Variants in SLC9C1 observed in about 807,000 individuals in gnomAD.
The protein encoded by SLC9C1 is solute carrier family 9 member C1.
Under a neutral mutation model 140.9 loss-of-function variants are expected in SLC9C1, and 97 were observed. That is an observed-to-expected ratio of 0.69 (90% CI 0.58 to 0.82). SLC9C1 has a LOEUF of 0.82. Among genes scored for constraint, SLC9C1 ranks in the 40% least tolerant of loss-of-function variants. The pLI, the probability that SLC9C1 is intolerant of heterozygous loss-of-function variation, is 0.00. For missense variants in SLC9C1, 1,340 were observed against 1,389.3 expected (o/e 0.96, Z 0.56); for synonymous variants, 440 against 442.6 (o/e 0.99, Z 0.07).
At chr3:112,274,069 T>C (rs2080148842) in intron 6 of SLC9C1, among the ~76,000 whole-genome samples, 2 of 152,138 alleles carry the variant, frequency 1.3e-5, no homozygotes, top group South Asian at 4.2e-4. Flanking sequence ...CTCAGTAATA[T>C]TATGAAAATG....
intron 8 of SLC9C1, among the ~76,000 whole-genome samples, chr3:112,265,540 AT>A (rs1204537720): frequency 1.4e-4 from 21 of 152,204 alleles, no homozygotes; most frequent in African/African-American, 4.8e-4. Flanking sequence ...TCTAAAAACC[AT>A]GGTTTACTTT....
chr3:112,277,831 CA>C lies in SLC9C1; in HGVS notation c.347del (p.Leu116TrpfsTer6), dbSNP rs750704946. 5.0e-6 allele frequency: 8 copies of C among 1,599,168 alleles called. No individual in the cohort carries two copies. Among genetic ancestry groups the C allele is most frequent in the South Asian group, 1.1e-5 (1 of 87,600 alleles). On this transcript the variant is annotated frameshift_variant, in exon 5 of 29. Coordinates refer to ENST00000305815, the MANE Select transcript of SLC9C1 (RefSeq NM_183061.3). LOFTEE classifies it high-confidence loss of function. ...GCCAAAGAACTAAGATATAATTAAC[CA>C]AAAAGCCGGGAATTGAAATTAAAAG... ...QILLISIPGFLVNYILVLWHL... is the reference protein window; with the variant it reads ...QILLISIPGFXVNYILVLWHL...
chr3:112,228,717 A>G (rs1396839736), intron 13 of SLC9C1, among the ~76,000 whole-genome samples: 4 of 152,114 alleles, frequency 2.6e-5, no homozygotes, highest in Non-Finnish European at 4.4e-5. Flanking sequence ...GTATGATTTA[A>G]AAATGAGCAA....
chr3:112,239,249 C>T (rs564893294), intron 12 of SLC9C1, among the ~76,000 whole-genome samples: 31 of 152,342 alleles, frequency 2.0e-4, no homozygotes, highest in African/African-American at 5.8e-4. Flanking sequence ...TGGGACCCTC[C>T]GAGCCAGGTG....
At chr3:112,272,199 A>G (rs1032515843) in intron 6 of SLC9C1, among the ~76,000 whole-genome samples, 3 of 152,226 alleles carry the variant, frequency 2.0e-5, no homozygotes, top group Non-Finnish European at 4.4e-5. Context: ...CTCTAGTTGC[A>G]GAAACATACA....
At chr3:112,212,102 G>A (rs1576352756) in intron 15 of SLC9C1, among the ~76,000 whole-genome samples, 1 of 152,212 alleles carries the variant, frequency 6.6e-6, no homozygotes, top group Non-Finnish European at 1.5e-5. Flanking sequence ...ACAGGGTCTG[G>A]AGTGGACCTC....
At chr3:112,259,379 C>T (rs1188305757) in intron 10 of SLC9C1, among the ~76,000 whole-genome samples, 1 of 149,110 alleles carries the variant, frequency 6.7e-6, no homozygotes, top group Admixed American at 6.7e-5. Context: ...ATAAAATATT[C>T]TCTACAACAA....
intron 16 of SLC9C1, among the ~76,000 whole-genome samples, chr3:112,207,289 A>G (rs1190547156): frequency 6.6e-6 from 1 of 152,196 alleles, no homozygotes; most frequent in Non-Finnish European, 1.5e-5. Flanking sequence ...AGGATAAGAG[A>G]AGACAAATTT....
chr3:112,168,348 C>G (rs1044570817), intron 25 of SLC9C1, among the ~76,000 whole-genome samples: 7 of 112,210 alleles, frequency 6.2e-5, no homozygotes, highest in Non-Finnish European at 1.2e-4. Context: ...CACACACACA[C>G]ACACACACAC....
chr3:112,224,831 A>T (rs1487700330), intron 13 of SLC9C1, among the ~76,000 whole-genome samples: 1 of 151,966 alleles, frequency 6.6e-6, no homozygotes. Flanking sequence ...GAAAGAAAGA[A>T]AGATAGATAG....
chr3:112,145,974 C>T (rs575160404), intron 28 of SLC9C1, among the ~76,000 whole-genome samples: 241 of 152,228 alleles, frequency 1.6e-3, no homozygotes, highest in Non-Finnish European at 3.0e-3. Context: ...GTGAGGCCTC[C>T]GCAGCCACGT....
At chr3:112,190,173 C>A (rs910695234) in intron 20 of SLC9C1, among the ~76,000 whole-genome samples, 1 of 152,176 alleles carries the variant, frequency 6.6e-6, no homozygotes, top group African/African-American at 2.4e-5. Context: ...ATCATGTCAT[C>A]TGCAAACAGG....
chr3:112,234,114 C>G (rs2078913001), intron 12 of SLC9C1, among the ~76,000 whole-genome samples: 1 of 152,164 alleles, frequency 6.6e-6, no homozygotes, highest in Non-Finnish European at 1.5e-5. Context: ...AAAAGTGCTC[C>G]TATTTCTCCA....
At chr3:112,203,360 C>A (rs1466051341) in intron 17 of SLC9C1, among the ~76,000 whole-genome samples, 1 of 152,038 alleles carries the variant, frequency 6.6e-6, no homozygotes, top group Admixed American at 6.6e-5. Flanking sequence ...ACACTAGACT[C>A]GCCTTCCTCA....
At chr3:112,275,458 T>G (rs927408306) in intron 5 of SLC9C1, among the ~76,000 whole-genome samples, 1 of 152,148 alleles carries the variant, frequency 6.6e-6, no homozygotes, top group African/African-American at 2.4e-5. Flanking sequence ...TTATCTGACT[T>G]TCTCATTCAT....
At chr3:112,150,580 A>G (rs1026038137) in intron 28 of SLC9C1, among the ~76,000 whole-genome samples, 2 of 151,772 alleles carry the variant, frequency 1.3e-5, no homozygotes, top group Non-Finnish European at 2.9e-5. Context: ...ATTTTTATGC[A>G]CTATCTTGCT....
At chr3:112,265,252 A>T (rs1576477990) in intron 8 of SLC9C1, among the ~76,000 whole-genome samples, 2 of 152,086 alleles carry the variant, frequency 1.3e-5, no homozygotes, top group African/African-American at 4.8e-5. Context: ...AAGAATAAAG[A>T]TAAGTAATAT....
At chr3:112,252,945 G>A (rs2079504331) in intron 10 of SLC9C1, among the ~76,000 whole-genome samples, 1 of 152,130 alleles carries the variant, frequency 6.6e-6, no homozygotes, top group African/African-American at 2.4e-5. Context: ...CAAAGGGAGG[G>A]GGAGGAGCAG....
At chr3:112,164,178 A>G (rs7612220) in intron 26 of SLC9C1, among the ~76,000 whole-genome samples, 151,251 of 151,710 alleles carry the variant, frequency 1, 75,398 homozygotes, top group Middle Eastern at 1. Flanking sequence ...CTGCACGTGA[A>G]TTGGGTTTCC....
Sources: gnomAD v4.1 joint callset for allele counts (sites outside exome capture counted in the v4.1 genomes callset) on GRCh38, gnomAD v4.1.1 for gene constraint, MANE v1.5 for transcripts, NCBI Gene and HGNC (gene_info 2026-07-23, HGNC 2026-07-21) for gene names.